The following PVT1 variants were observed in gnomAD, a reference collection of about 807,000 sequenced individuals.
PVT1 encodes the protein CXCR4/PVT1 fusion.
At chr8:127,960,029 C>T (rs945748154) in intron 3 of PVT1, among the ~76,000 whole-genome samples, 13 of 152,164 alleles carry the variant, frequency 8.5e-5, no homozygotes, top group Non-Finnish European at 1.8e-4. Context: ...TCCTGTACGT[C>T]GTAGTTTTGT....
chr8:128,011,823 T>A (rs1198427778), intron 4 of PVT1, among the ~76,000 whole-genome samples: 2 of 152,032 alleles, frequency 1.3e-5, no homozygotes, highest in African/African-American at 2.4e-5. Flanking sequence ...GTAGAAACAG[T>A]AGGCAAACAG....
intron 5 of PVT1, among the ~76,000 whole-genome samples, chr8:128,079,077 A>G (rs11544197): frequency 7.1e-6 from 1 of 139,896 alleles, no homozygotes; most frequent in Admixed American, 7.4e-5. Context: ...ACATTTTTCC[A>G]CAAGCATTGT....
intron 3 of PVT1, among the ~76,000 whole-genome samples, chr8:127,970,125 G>C (rs1036714798): frequency 6.6e-6 from 1 of 151,978 alleles, no homozygotes; most frequent in African/African-American, 2.4e-5. Context: ...CTTACCATAT[G>C]AGCAGGAATT....
At chr8:128,060,459 A>G (rs1468953224) in intron 4 of PVT1, among the ~76,000 whole-genome samples, 2 of 152,234 alleles carry the variant, frequency 1.3e-5, no homozygotes, top group Non-Finnish European at 2.9e-5. Flanking sequence ...CCTACTAAAC[A>G]TGAGCTTAAT....
At chr8:127,941,256 A>G (rs1458316016) in intron 3 of PVT1, among the ~76,000 whole-genome samples, 1 of 152,174 alleles carries the variant, frequency 6.6e-6, no homozygotes, top group Non-Finnish European at 1.5e-5. Flanking sequence ...TTAAGGATTC[A>G]TGTGATTGGA....
chr8:127,978,642 C>T (rs1220285877), intron 3 of PVT1, among the ~76,000 whole-genome samples: 1 of 152,098 alleles, frequency 6.6e-6, no homozygotes, highest in Non-Finnish European at 1.5e-5. Flanking sequence ...TGCCACCACA[C>T]CTGGCTAATT....
At chr8:127,831,822 G>A (rs1012307711) in intron 2 of PVT1, among the ~76,000 whole-genome samples, 3 of 152,194 alleles carry the variant, frequency 2.0e-5, no homozygotes, top group Non-Finnish European at 2.9e-5. Context: ...TGGCAAGAGC[G>A]CCTCATGGGA....
chr8:127,807,767 TTTTTTC>T (rs1323282477), intron 2 of PVT1, among the ~76,000 whole-genome samples: 2 of 152,132 alleles, frequency 1.3e-5, no homozygotes, highest in Admixed American at 6.5e-5. Context: ...GAATTTTTCT[TTTTTTC>T]TTTTTTTTTT....
rs147002363 is a variant in PVT1, at chr8:127,905,456, A to C, written n.782+14458A>C. 1.2e-4 allele frequency among the ~76,000 whole-genome samples: 19 copies of C among 152,352 alleles called. No homozygotes were observed. The East Asian group carries it at 3.7e-3, about 29-fold the overall frequency. ...GATGTGTATTTCTTGTGGTCTTAGC[A>C]TGCTGGCAATTCTTATTTTTGGCAT... On this transcript the variant is annotated intron_variant and non_coding_transcript_variant, in intron 3 of 10. Transcript: ENST00000651587.
chr8:127,907,006 G>T (rs1815831103), intron 3 of PVT1, among the ~76,000 whole-genome samples: 1 of 148,480 alleles, frequency 6.7e-6, no homozygotes, highest in Non-Finnish European at 1.5e-5. Context: ...TGTCAGCCAG[G>T]CTGGAGTGCA....
chr8:127,870,562 C>T (rs1016008031), intron 2 of PVT1, among the ~76,000 whole-genome samples: 1 of 152,124 alleles, frequency 6.6e-6, no homozygotes, highest in Non-Finnish European at 1.5e-5. Flanking sequence ...AGCGGCACTC[C>T]CTCCCTTTAC....
intron 4 of PVT1, among the ~76,000 whole-genome samples, chr8:127,992,677 C>T (rs1452291294): frequency 1.3e-5 from 2 of 152,252 alleles, no homozygotes; most frequent in Non-Finnish European, 2.9e-5. Context: ...TGTCTAGCTC[C>T]TGACCCTCTC....
chr8:128,057,841 G>T (rs920135882), intron 4 of PVT1, among the ~76,000 whole-genome samples: 1 of 152,210 alleles, frequency 6.6e-6, no homozygotes. Flanking sequence ...GCTGCGAGAG[G>T]TTACCCTGTT....
At chr8:127,856,603 A>G in intron 2 of PVT1, among the ~76,000 whole-genome samples, 1 of 152,132 alleles carries the variant, frequency 6.6e-6, no homozygotes, top group East Asian at 1.9e-4. Flanking sequence ...GGCCTTCCAA[A>G]GTGCTGGGAT....
chr8:127,832,272 G>A (rs561926491), intron 2 of PVT1, among the ~76,000 whole-genome samples: 1 of 152,272 alleles, frequency 6.6e-6, no homozygotes, highest in South Asian at 2.1e-4. Context: ...CGCAGAGATA[G>A]CAAATGCTTG....
intron 2 of PVT1, among the ~76,000 whole-genome samples, chr8:127,839,442 C>T (rs1814947567): frequency 6.6e-6 from 1 of 151,108 alleles, no homozygotes; most frequent in Non-Finnish European, 1.5e-5. Context: ...CCCAGCTGCC[C>T]AGAAGGCTGA....
intron 3 of PVT1, among the ~76,000 whole-genome samples, chr8:127,917,921 G>A (rs537300060): frequency 5.3e-5 from 8 of 152,364 alleles, no homozygotes; most frequent in South Asian, 4.1e-4. Context: ...GCTGGCGTTC[G>A]CCCCTCAACC....
chr8:128,003,247 TTTCC>T (rs141789747), intron 4 of PVT1, among the ~76,000 whole-genome samples: 8,825 of 123,286 alleles, frequency 0.072, 1,041 homozygotes, highest in African/African-American at 0.24. Flanking sequence ...TCCTTCCTTC[TTTCC>T]TTCCTTCCTT....
At chr8:127,826,641 A>T (rs983927436) in intron 2 of PVT1, among the ~76,000 whole-genome samples, 3 of 152,246 alleles carry the variant, frequency 2.0e-5, no homozygotes, top group Non-Finnish European at 4.4e-5. Context: ...GCATATTTGC[A>T]TAGGCTGGAT....
Sources: gnomAD v4.1 joint callset for allele counts (sites outside exome capture counted in the v4.1 genomes callset) on GRCh38, gnomAD v4.1.1 for gene constraint, MANE v1.5 for transcripts, NCBI Gene and HGNC (gene_info 2026-07-23, HGNC 2026-07-21) for gene names.